GALNTL6: variants seen among roughly 807,000 people sequenced by gnomAD.
The protein encoded by GALNTL6 is polypeptide N-acetylgalactosaminyltransferase like 6, also known as polypeptide N-acetylgalactosaminyltransferase-like 6.
Under a neutral mutation model 73.7 loss-of-function variants are expected in GALNTL6, and 46 were observed. That is an observed-to-expected ratio of 0.62 (90% CI 0.49 to 0.80). The LOEUF (loss-of-function observed/expected upper bound fraction) is 0.80. Among genes scored for constraint, GALNTL6 ranks in the 30% least tolerant of loss-of-function variants. The pLI, the probability that GALNTL6 is intolerant of heterozygous loss-of-function variation, is 0.00. For missense variants in GALNTL6, 604 were observed against 755.0 expected, an observed-to-expected ratio of 0.80 and a Z score of 2.34; for synonymous variants, 259 against 263.7, an observed-to-expected ratio of 0.98 and a Z score of 0.17.
At chr4:172,156,547 A>ATATATATATATATAC (rs1734284324) in intron 2 of GALNTL6, among the ~76,000 whole-genome samples, 2 of 113,776 alleles carry the variant, frequency 1.8e-5, no homozygotes, top group African/African-American at 7.8e-5. Flanking sequence ...TATAATATAT[A>ATATATATATATATAC]TATATATATA....
intron 9 of GALNTL6, among the ~76,000 whole-genome samples, chr4:172,939,994 T>A (rs1285678035): frequency 2.6e-5 from 4 of 152,256 alleles, no homozygotes; most frequent in Admixed American, 2.0e-4. Flanking sequence ...ACATTACTTT[T>A]AAAAATTTTA....
intron 8 of GALNTL6, among the ~76,000 whole-genome samples, chr4:172,883,854 T>A (rs2111195112): frequency 6.6e-6 from 1 of 150,730 alleles, no homozygotes. Context: ...TTAGACCAAC[T>A]TGTTTAGCTC....
chr4:172,451,746 C>G (rs1732220727), intron 5 of GALNTL6, among the ~76,000 whole-genome samples: 2 of 152,162 alleles, frequency 1.3e-5, no homozygotes, highest in African/African-American at 4.8e-5. Flanking sequence ...TGGCGCATGC[C>G]TGTAATCCCA....
chr4:172,529,414 G>A (rs1289980087), intron 5 of GALNTL6, among the ~76,000 whole-genome samples: 2 of 151,820 alleles, frequency 1.3e-5, no homozygotes, highest in African/African-American at 2.4e-5. Flanking sequence ...TGATGGCATC[G>A]TACTCTTCCT....
chr4:172,191,017 G>T (rs530964981), intron 2 of GALNTL6, among the ~76,000 whole-genome samples: 1 of 152,226 alleles, frequency 6.6e-6, no homozygotes, highest in African/African-American at 2.4e-5. Flanking sequence ...CACTTACCTG[G>T]TGGCTTCATC....
Position 172,229,856 on chromosome 4 carries a change from A to T in GALNTL6, c.247+92A>T, listed in dbSNP as rs557028044. The T allele has an allele frequency of 1.1e-5, 8 of 749,254 alleles. No homozygotes were observed. In the South Asian group the frequency reaches 1.3e-4, roughly 12 times the overall value. 46.4% of individuals were successfully genotyped at this position (749,254 alleles called of 1,614,324 possible). A position where few individuals can be genotyped will look rare whatever the true frequency, so the allele number is the denominator to read the frequency against. On this transcript the variant is annotated intron_variant, in intron 3 of 12. Transcript: ENST00000506823. Reference sequence around the variant, plus strand: ...GATCTCTAATTAGCATTTCTTCTGCACACTGTAAAGTATGTTTCATGGGGA... The same window carrying T: ...GATCTCTAATTAGCATTTCTTCTGCTCACTGTAAAGTATGTTTCATGGGGA...
chr4:171,876,145 G>T (rs772687616), intron 2 of GALNTL6, among the ~76,000 whole-genome samples: 1 of 152,044 alleles, frequency 6.6e-6, no homozygotes, highest in Admixed American at 6.6e-5. Flanking sequence ...GCAAGGCTGT[G>T]GCTTCTCTGT....
chr4:172,996,069 A>G (rs1751764182), intron 10 of GALNTL6, among the ~76,000 whole-genome samples: 1 of 152,162 alleles, frequency 6.6e-6, no homozygotes, highest in East Asian at 1.9e-4. Flanking sequence ...AATAGGACAA[A>G]TGCATGATAT....
chr4:172,783,390 T>C (rs914324635), intron 5 of GALNTL6, among the ~76,000 whole-genome samples: 1 of 147,568 alleles, frequency 6.8e-6, no homozygotes, highest in African/African-American at 2.5e-5. Context: ...ACACTATTTA[T>C]AATAATATTA....
chr4:172,041,357 T>C (rs938977188), intron 2 of GALNTL6, among the ~76,000 whole-genome samples: 30 of 152,088 alleles, frequency 2.0e-4, no homozygotes, highest in African/African-American at 7.2e-4. Context: ...CTATCAATTA[T>C]ATTAAGAAAA....
At chr4:172,016,801 T>C (rs947278895) in intron 2 of GALNTL6, among the ~76,000 whole-genome samples, 1 of 152,098 alleles carries the variant, frequency 6.6e-6, no homozygotes, top group Non-Finnish European at 1.5e-5. Context: ...GATGTTTATT[T>C]TAGCCTAATT....
intron 8 of GALNTL6, among the ~76,000 whole-genome samples, chr4:172,887,262 A>G (rs1477870536): frequency 6.6e-6 from 1 of 152,126 alleles, no homozygotes; most frequent in Non-Finnish European, 1.5e-5. Flanking sequence ...GATTCCATGT[A>G]TTTGTTATCA....
At chr4:171,871,784 T>C (rs1736144334) in intron 2 of GALNTL6, among the ~76,000 whole-genome samples, 1 of 152,204 alleles carries the variant, frequency 6.6e-6, no homozygotes, top group Admixed American at 6.5e-5. Flanking sequence ...TGTCATCTGT[T>C]GTAACAATTA....
chr4:172,614,203 T>C (rs1399716432), intron 5 of GALNTL6, among the ~76,000 whole-genome samples: 1 of 152,104 alleles, frequency 6.6e-6, no homozygotes, highest in Non-Finnish European at 1.5e-5. Flanking sequence ...TCTTGTGTTC[T>C]GTTTATGTAA....
At position 172,879,793 on chromosome 4, in the gene GALNTL6, A is replaced by G. The variant is rs565142266; in HGVS notation, c.924-2997A>G. Among the ~76,000 whole-genome samples the G allele has an allele frequency of 2.0e-4, 30 of 152,140 alleles. No individual in the cohort carries two copies. In the East Asian group the frequency reaches 5.6e-3, roughly 28 times the overall value. On this transcript the variant is annotated intron_variant, in intron 7 of 12. Coordinates refer to ENST00000506823, the MANE Select transcript of GALNTL6 (RefSeq NM_001034845.3). ...TAAAGAGAAATCAATGAAATATAAA[A>G]CAGTAAAACAATAAAGAAAATCAAT...
intron 5 of GALNTL6, among the ~76,000 whole-genome samples, chr4:172,603,504 T>A (rs1297659771): frequency 6.6e-6 from 1 of 152,088 alleles, no homozygotes; most frequent in African/African-American, 2.4e-5. Context: ...GTTGTTAAGA[T>A]CTCTGTAATA....
intron 5 of GALNTL6, among the ~76,000 whole-genome samples, chr4:172,762,547 T>A (rs1738171619): frequency 6.6e-6 from 1 of 152,110 alleles, no homozygotes; most frequent in Admixed American, 6.5e-5. Context: ...TTTCTCCATG[T>A]CTCTTTCCCC....
At chr4:172,370,566 G>A (rs1742761630) in intron 5 of GALNTL6, among the ~76,000 whole-genome samples, 1 of 144,230 alleles carries the variant, frequency 6.9e-6, no homozygotes, top group Non-Finnish European at 1.5e-5. Flanking sequence ...AGGAGTCAGA[G>A]CTTGCAGTGA....
chr4:172,749,724 A>G (rs1220417802), intron 5 of GALNTL6, among the ~76,000 whole-genome samples: 1 of 151,854 alleles, frequency 6.6e-6, no homozygotes, highest in Admixed American at 6.6e-5. Flanking sequence ...TTCATACTTG[A>G]TAGCTTTACA....
Sources: gnomAD v4.1 joint callset for allele counts (sites outside exome capture counted in the v4.1 genomes callset) on GRCh38, gnomAD v4.1.1 for gene constraint, MANE v1.5 for transcripts, NCBI Gene and HGNC (gene_info 2026-07-23, HGNC 2026-07-21) for gene names.